FCGR2A: variants seen among roughly 807,000 people sequenced by gnomAD.
FCGR2A encodes Fc gamma receptor IIa.
FCGR2A carries 18 observed loss-of-function variants against 29.3 expected under a neutral mutation model. The ratio of observed to expected loss-of-function variants is 0.62; its 90% CI spans 0.43 to 0.91. The LOEUF (loss-of-function observed/expected upper bound fraction) is 0.91. Among genes scored for constraint, FCGR2A ranks in the 40% least tolerant of loss-of-function variants. FCGR2A has a pLI of 0.00. For missense variants in FCGR2A, 287 were observed against 393.0 expected (o/e 0.73, Z 2.28); for synonymous variants, 126 against 144.8 (o/e 0.87, Z 0.93).
chr1:161,510,769 G>C, intron 4 of FCGR2A, 65 bp from the exon 5 acceptor site: 1 of 1,594,424 alleles, frequency 6.3e-7, no homozygotes, highest in Non-Finnish European at 8.6e-7. Context: ...GTGGGACAGG[G>C]AGAATACAAA....
chr1:161,505,803 GA>G, intron 1 of FCGR2A, 183 bp from the exon 2 acceptor site: 1 of 729,086 alleles, frequency 1.4e-6, no homozygotes, highest in South Asian at 1.6e-5. Flanking sequence ...GGAGGAACAG[GA>G]AATGAGATAA....
intron 3 of FCGR2A, 136 bp from the exon 4 acceptor site, chr1:161,509,684 T>C: frequency 8.5e-7 from 1 of 1,182,152 alleles, no homozygotes; most frequent in Non-Finnish European, 1.2e-6. Flanking sequence ...AAGAGAATGC[T>C]CACATCTGTC....
rs1033051928 is a variant in FCGR2A, at chr1:161,510,218, G to C, written c.619+144G>C. ...CAAAGAGGAGTGGGGTGGAAGCCTG[G>C]CTAAGTATTGACCAACAAGTAGGGG... On this transcript the variant is annotated intron_variant, in intron 4 of 6. Transcript: ENST00000271450. 1.8e-5 allele frequency: 26 copies of C among 1,439,442 alleles called. No individual in the cohort carries two copies. The African/African-American group carries it at 3.0e-4, about 17-fold the overall frequency. The allele number at this position is 1,439,442 out of a possible 1,614,324, so 89.2% of individuals were successfully genotyped here. A position where few individuals can be genotyped will look rare whatever the true frequency, so the allele number is the denominator to read the frequency against.
intron 4 of FCGR2A, 53 bp from the exon 5 acceptor site, chr1:161,510,781 G>A (rs545084587): frequency 5.7e-5 from 91 of 1,607,354 alleles, no homozygotes; most frequent in South Asian, 4.9e-4. Context: ...GAATACAAAC[G>A]TTGTCATTAA....
intron 4 of FCGR2A, 23 bp from the exon 5 acceptor site, chr1:161,510,811 G>A (rs752706552): frequency 8.7e-6 from 14 of 1,613,704 alleles, no homozygotes; most frequent in Non-Finnish European, 1.1e-5. Flanking sequence ...CCCCCATCCT[G>A]CCCTAATGTC....
intron 6 of FCGR2A, chr1:161,514,876 T>C (rs1353298656): frequency 5.9e-5 from 9 of 151,770 alleles, no homozygotes; most frequent in African/African-American, 1.9e-4. Context: ...AGTCCTCAGG[T>C]AGGTAAATTT....
intron 1 of FCGR2A, 194 bp downstream of exon 1, chr1:161,505,746 G>A (rs1675344638): frequency 1.4e-6 from 1 of 709,964 alleles, no homozygotes; most frequent in African/African-American, 1.8e-5. Flanking sequence ...ATAGTCCCTG[G>A]AAAGTCCATT....
At chr1:161,515,724 A>G (rs579880) in intron 6 of FCGR2A, among the ~76,000 whole-genome samples, 1 of 151,558 alleles carries the variant, frequency 6.6e-6, no homozygotes, top group South Asian at 2.1e-4. Flanking sequence ...GCCAGCCATC[A>G]GAACAGCTAA....
At chr1:161,519,974 A>T (rs959576883), downstream of FCGR2A, 3 of 151,866 alleles carry the variant, frequency 2.0e-5, no homozygotes, top group Non-Finnish European at 4.4e-5. Flanking sequence ...CATGACCCAC[A>T]GTCTCCTTGA....
At chr1:161,509,761 C>T (rs1156556836) in intron 3 of FCGR2A, 59 bp from the exon 4 acceptor site, 1 of 1,602,398 alleles carries the variant, frequency 6.2e-7, no homozygotes. Flanking sequence ...ACCTCTGAGA[C>T]TGAAAAACCC....
In FCGR2A at chr1:161,510,165, C is replaced by G. The variant is rs555143591; in HGVS notation, c.619+91C>G. ...GGGCCTACATGGAGGTCTGAGAAAG[C>G]CCATAGCAGCAAAATTGGGCACTGG... is the stretch of plus-strand genomic sequence containing the variant. On this transcript the variant is annotated intron_variant, in intron 4 of 6. Transcript: ENST00000271450. 1,233 of 1,563,108 alleles carry G rather than the reference C, an allele frequency of 7.9e-4. 3 individuals carry two copies. Among genetic ancestry groups the G allele is most frequent in the African/African-American group, 2.5e-3 (181 of 73,546 alleles).
intron 4 of FCGR2A, chr1:161,510,283 C>T (rs1250569688): frequency 1.7e-5 from 15 of 868,762 alleles, no homozygotes; most frequent in Non-Finnish European, 2.7e-5. Context: ...AATAGGTAGT[C>T]AGGCTGTTGT....
At position 161,509,994 on chromosome 1, in the gene FCGR2A, G is replaced by C; in HGVS notation, c.539G>C (p.Ser180Thr). 1 of 1,613,936 alleles carries C rather than the reference G, an allele frequency of 6.2e-7. No individual in the cohort carries two copies. The highest frequency in any genetic ancestry group is 8.5e-7 in the Non-Finnish European group (1 of 1,179,862). Residue 180 changes from serine to threonine, a missense_variant, in exon 4 of 7, where the codon AGT becomes ACT. Ser to Thr is a moderately conservative substitution (Grantham distance 58). Around this residue, in one of 3 missense-constraint regions of FCGR2A, gnomAD observed 181 missense variants for 250.9 expected, o/e 0.72. Coordinates refer to ENST00000271450, the MANE Select transcript of FCGR2A (RefSeq NM_001136219.3). ...PTFSIPQANH[S>T]HSGDYHCTGN... is the part of the protein sequence containing the mutation. ...TTCTCCATCCCACAAGCAAACCACA[G>C]TCACAGTGGTGATTACCACTGCACA...
chr1:161,521,977 G>A (rs920095544), downstream of FCGR2A, among the ~76,000 whole-genome samples: 4 of 151,856 alleles, frequency 2.6e-5, no homozygotes, highest in South Asian at 4.2e-4. Flanking sequence ...CTTTAAGGTC[G>A]GTTCTATTTT....
At chr1:161,508,294 AC>A (rs954552762) in intron 3 of FCGR2A, among the ~76,000 whole-genome samples, 1 of 147,700 alleles carries the variant, frequency 6.8e-6, no homozygotes, top group Non-Finnish European at 1.5e-5. Context: ...TATACAGAAT[AC>A]TTTTTTTTTT....
intron 3 of FCGR2A, among the ~76,000 whole-genome samples, chr1:161,508,086 CAAAAAAAAAAAAA>C (rs61414204): frequency 2.9e-5 from 2 of 68,230 alleles, no homozygotes; most frequent in Non-Finnish European, 5.3e-5. Context: ...AACTCTGTCT[CAAAAAAAAAAAAA>C]AAAAAAAAAA....
intron 5 of FCGR2A, among the ~76,000 whole-genome samples, chr1:161,511,697 C>A (rs1386350982): frequency 6.6e-6 from 1 of 152,204 alleles, no homozygotes; most frequent in African/African-American, 2.4e-5. Context: ...AATCCTGGCC[C>A]TGGTCCTTGG....
chr1:161,505,741 C>A (rs1366079823), intron 1 of FCGR2A, 189 bp downstream of exon 1: 1 of 708,402 alleles, frequency 1.4e-6, no homozygotes. Context: ...GTTTCATAGT[C>A]CCTGGAAAGT....
chr1:161,519,770 G>T lies in FCGR2A; in HGVS notation c.*1622G>T, dbSNP rs1359833818. ...CTTCTTCTAATGAACTTGTATTCTT[G>T]TTTCCATGTCTTCTTCCCTTTCCTT... is the stretch of plus-strand genomic sequence containing the variant. On this transcript the variant is annotated 3_prime_UTR_variant, in exon 7 of 7. Coordinates refer to ENST00000271450, the MANE Select transcript of FCGR2A (RefSeq NM_001136219.3). 1 of 152,108 alleles carries T rather than the reference G, an allele frequency of 6.6e-6. No individual in the cohort carries two copies. Among genetic ancestry groups the T allele is most frequent in the East Asian group, 1.9e-4 (1 of 5,198 alleles). 9.4% of individuals were successfully genotyped at this position (152,108 alleles called of 1,614,324 possible).
Sources: allele counts gnomAD v4.1 joint callset (sites outside exome capture counted in the v4.1 genomes callset), GRCh38; gene constraint gnomAD v4.1.1; regional missense constraint gnomAD v4.1.1; transcripts MANE v1.5; gene names NCBI Gene and HGNC (gene_info 2026-07-23, HGNC 2026-07-21).